TRHDE: variants seen among roughly 807,000 people sequenced by gnomAD.
TRHDE encodes the protein thyrotropin releasing hormone degrading enzyme.
In TRHDE, 72 loss-of-function variants were observed where a neutral mutation model predicts 125.7. The observed-to-expected ratio is 0.57, with a 90% confidence interval of 0.47 to 0.70. The LOEUF is 0.70. Among genes scored for constraint, TRHDE ranks in the 30% least tolerant of loss-of-function variants. The probability of loss-of-function intolerance (pLI) is 0.00; values close to 1 mark genes in which losing one functional copy is unlikely to be tolerated. For missense variants in TRHDE, 1,110 were observed against 1,327.1 expected, an observed-to-expected ratio of 0.84 and a Z score of 2.54; for synonymous variants, 509 against 509.1, an observed-to-expected ratio of 1.00 and a Z score of 0.00.
At chr12:72,138,708 A>G (rs1876045082) in intron 2 of TRHDE, among the ~76,000 whole-genome samples, 1 of 152,244 alleles carries the variant, frequency 6.6e-6, no homozygotes, top group South Asian at 2.1e-4. Flanking sequence ...AGATTCTCTG[A>G]GGAGTCGTGA....
At chr12:72,623,790 C>T (rs1217904393) in intron 15 of TRHDE, among the ~76,000 whole-genome samples, 1 of 151,984 alleles carries the variant, frequency 6.6e-6, no homozygotes, top group Non-Finnish European at 1.5e-5. Context: ...GAATTGCAGA[C>T]AGAAGAAAGC....
At chr12:72,103,795 T>C (rs1194403986) in intron 1 of TRHDE, among the ~76,000 whole-genome samples, 2 of 152,146 alleles carry the variant, frequency 1.3e-5, no homozygotes, top group African/African-American at 4.8e-5. Context: ...GACAGGGATG[T>C]AGAAAATAAT....
chr12:72,609,133 G>A (rs899832463), intron 12 of TRHDE, among the ~76,000 whole-genome samples: 1 of 152,116 alleles, frequency 6.6e-6, no homozygotes, highest in Non-Finnish European at 1.5e-5. Flanking sequence ...GTCTGGCATC[G>A]TTTGTTGCTT....
intron 2 of TRHDE, among the ~76,000 whole-genome samples, chr12:72,296,992 G>C (rs1880325015): frequency 6.6e-6 from 1 of 152,156 alleles, no homozygotes; most frequent in South Asian, 2.1e-4. Flanking sequence ...TTTCCAGAAA[G>C]CAGCCAAGAG....
At chr12:72,501,516 T>C (rs1037924262) in intron 6 of TRHDE, among the ~76,000 whole-genome samples, 2 of 152,148 alleles carry the variant, frequency 1.3e-5, no homozygotes, top group Non-Finnish European at 2.9e-5. Context: ...AATGTTAGAC[T>C]ATCTTTGCAT....
rs537193407 is a variant in TRHDE at position 72,376,742 on chromosome 12, A to G, written c.1189-1253A>G. 1.5e-3 allele frequency among the ~76,000 whole-genome samples: 229 copies of G among 152,256 alleles called. 1 individual carries two copies. Among genetic ancestry groups the G allele is most frequent in the African/African-American group, 5.1e-3 (213 of 41,568 alleles). The stretch of plus-strand genomic sequence containing the variant: ...AGAGTTAATCATATAATCAATTTTT[A>G]TTATAAATAATAATAGATGATGTAT... On this transcript the variant is annotated intron_variant, in intron 2 of 18. Transcript: ENST00000261180.
chr12:72,659,953 G>A (rs140570234), intron 18 of TRHDE, among the ~76,000 whole-genome samples: 16 of 152,134 alleles, frequency 1.1e-4, no homozygotes, highest in African/African-American at 2.6e-4. Context: ...GCTGGGCCCC[G>A]GGGACCACTA....
intron 2 of TRHDE, among the ~76,000 whole-genome samples, chr12:72,127,875 G>A (rs1875759648): frequency 6.6e-6 from 1 of 151,510 alleles, no homozygotes; most frequent in African/African-American, 2.4e-5. Context: ...ATATATATAT[G>A]TGTGTGTATA....
At chr12:72,465,066 A>G (rs1344813476) in intron 3 of TRHDE, among the ~76,000 whole-genome samples, 1 of 152,222 alleles carries the variant, frequency 6.6e-6, no homozygotes. Context: ...TTTTCAAGGC[A>G]TATGAAGGAG....
At chr12:72,564,864 C>T (rs1870365624) in intron 9 of TRHDE, among the ~76,000 whole-genome samples, 1 of 151,670 alleles carries the variant, frequency 6.6e-6, no homozygotes, top group Non-Finnish European at 1.5e-5. Flanking sequence ...GACAGGGTTT[C>T]ACCGTGTTAG....
intron 2 of TRHDE, among the ~76,000 whole-genome samples, chr12:72,123,895 AT>A (rs1388180960): frequency 6.6e-6 from 1 of 152,162 alleles, no homozygotes; most frequent in Non-Finnish European, 1.5e-5. Flanking sequence ...GGTATTTTAT[AT>A]AAAAGGAATC....
At chr12:72,366,968 C>T (rs554292293) in intron 2 of TRHDE, among the ~76,000 whole-genome samples, 1 of 151,996 alleles carries the variant, frequency 6.6e-6, no homozygotes, top group Admixed American at 6.6e-5. Context: ...GCAGATTCTT[C>T]GTGAGATTCA....
intron 2 of TRHDE, among the ~76,000 whole-genome samples, chr12:72,292,759 A>G (rs1404156991): frequency 1.3e-5 from 2 of 152,214 alleles, no homozygotes; most frequent in Non-Finnish European, 2.9e-5. Context: ...CCCAAAGTCA[A>G]TGCTACATAT....
chr12:72,635,299 T>A (rs1565818022), intron 15 of TRHDE, among the ~76,000 whole-genome samples: 1 of 152,208 alleles, frequency 6.6e-6, no homozygotes, highest in Non-Finnish European at 1.5e-5. Context: ...ATAAATGTCT[T>A]CTTTTGAGAA....
At chr12:72,535,888 C>T (rs568673864) in intron 6 of TRHDE, among the ~76,000 whole-genome samples, 5 of 152,080 alleles carry the variant, frequency 3.3e-5, no homozygotes, top group Non-Finnish European at 7.4e-5. Flanking sequence ...AATCAATAGA[C>T]TAATCCTTTC....
In TRHDE at chr12:72,319,911, TACTG is replaced by T. The variant is rs1868999979; in HGVS notation, c.1188+32962_1188+32965del. ...ATAGCTGATGATGTCTCCCTCTTTGTACTGACTGCTAGGAAGCTCAGAGTAAAAT... is the reference window on the plus strand; with the variant it reads ...ATAGCTGATGATGTCTCCCTCTTTGTACTGCTAGGAAGCTCAGAGTAAAAT... On this transcript the variant is annotated intron_variant, in intron 2 of 18. Transcript: ENST00000261180. Among the ~76,000 whole-genome samples, 5 of 152,146 alleles carry T rather than the reference TACTG, an allele frequency of 3.3e-5. No homozygotes were observed. The South Asian group carries it at 1.0e-3, about 32-fold the overall frequency.
At chr12:72,312,119 T>C (rs1868572819) in intron 2 of TRHDE, among the ~76,000 whole-genome samples, 1 of 152,198 alleles carries the variant, frequency 6.6e-6, no homozygotes, top group South Asian at 2.1e-4. Flanking sequence ...TTTACAGGCA[T>C]GCAAAGCGAA....
intron 5 of TRHDE, among the ~76,000 whole-genome samples, chr12:72,492,656 G>T (rs1877734690): frequency 6.6e-6 from 1 of 151,758 alleles, no homozygotes; most frequent in African/African-American, 2.4e-5. Context: ...AACACCAACT[G>T]TGCAGTGCTA....
chr12:72,234,029 G>A (rs1481416807), intron 2 of TRHDE, among the ~76,000 whole-genome samples: 5 of 152,260 alleles, frequency 3.3e-5, no homozygotes, highest in African/African-American at 1.2e-4. Flanking sequence ...TCTCTAAAGT[G>A]AGGATAATTT....
Sources: gnomAD v4.1 joint callset for allele counts (sites outside exome capture counted in the v4.1 genomes callset) on GRCh38, gnomAD v4.1.1 for gene constraint, MANE v1.5 for transcripts, NCBI Gene and HGNC (gene_info 2026-07-23, HGNC 2026-07-21) for gene names.